DHX57: variants seen among roughly 807,000 people sequenced by gnomAD.
DHX57 encodes the protein DExH-box helicase 57, also known as putative ATP-dependent RNA helicase DHX57.
In DHX57, 105 loss-of-function variants were observed where a neutral mutation model predicts 156.2. That is an observed-to-expected ratio of 0.67 (90% CI 0.57 to 0.79). The LOEUF (loss-of-function observed/expected upper bound fraction) is 0.79. Among genes scored for constraint, DHX57 ranks in the 30% least tolerant of loss-of-function variants. The pLI is 0.00. For synonymous variants in DHX57, 704 were observed against 595.6 expected, an observed-to-expected ratio of 1.18 and a Z score of -2.65; for missense variants, 1,847 against 1,661.9, an observed-to-expected ratio of 1.11 and a Z score of -1.94.
intron 21 of DHX57, among the ~76,000 whole-genome samples, chr2:38,813,538 T>A (rs1480177392): frequency 6.6e-6 from 1 of 151,492 alleles, no homozygotes; most frequent in East Asian, 2.0e-4. Flanking sequence ...GCCTGGCTAA[T>A]TTTTTTTGTA....
chr2:38,823,643 A>G (rs1670940865), intron 16 of DHX57, among the ~76,000 whole-genome samples: 1 of 152,180 alleles, frequency 6.6e-6, no homozygotes, highest in African/African-American at 2.4e-5. Context: ...GATTCCTCAA[A>G]AAACTAAAAA....
intron 14 of DHX57, among the ~76,000 whole-genome samples, chr2:38,827,927 G>C (rs1168407117): frequency 6.6e-6 from 1 of 152,108 alleles, no homozygotes; most frequent in Non-Finnish European, 1.5e-5. Flanking sequence ...TGTGATCTCA[G>C]CTCACCAAAA....
At chr2:38,808,059 A>G (rs1345769877) in intron 21 of DHX57, among the ~76,000 whole-genome samples, 1 of 134,844 alleles carries the variant, frequency 7.4e-6, no homozygotes, top group Non-Finnish European at 1.5e-5. Context: ...GGTTCAAGTG[A>G]TTCTCCTGCC....
In DHX57 at chr2:38,826,142, G is replaced by A. The variant is rs1671075906; in HGVS notation, c.2814-95C>T. 2.4e-6 allele frequency: 3 copies of A among 1,272,974 alleles called. No homozygotes were observed. In the South Asian group the frequency reaches 4.2e-5, roughly 18 times the overall value. The allele number at this position is 1,272,974 out of a possible 1,614,324, so 78.9% of individuals were successfully genotyped here. On this transcript the variant is annotated intron_variant, in intron 15 of 23. Transcript: ENST00000457308. ...AGAATAGATGAACCAGCTTCCTCCT[G>A]TAGAGGGACACAGTGCCCTGTATAT...
intron 13 of DHX57, 31 bp downstream of exon 13, chr2:38,837,800 G>A: frequency 1.5e-6 from 2 of 1,339,938 alleles, no homozygotes; most frequent in Non-Finnish European, 2.1e-6. Context: ...TGTTTCAATT[G>A]TCATTCAAGC....
Position 38,856,391 on chromosome 2 carries a change from A to G in DHX57, c.1658T>C (p.Ile553Thr). 6.2e-7 allele frequency: 1 copy of G among 1,614,012 alleles called. No homozygotes were observed. Among genetic ancestry groups the G allele is most frequent in the Non-Finnish European group, 8.5e-7 (1 of 1,179,996 alleles). ...SLPAWEERET[I>T]LNLLRKHQVV... The stretch of plus-strand genomic sequence containing the variant: ...CTGGTGCTTACGCAATAAGTTAAGA[A>G]TGGTTTCTCTTTCTTCCCAAGCAGG... The change falls in exon 7 of 24, where the codon ATT (isoleucine) becomes ACT (threonine). Residue 553 changes from isoleucine (I) to threonine (T), a missense_variant. Ile to Thr is a moderately conservative substitution (Grantham distance 89, BLOSUM62 -1). Coordinates refer to ENST00000457308, the MANE Select transcript of DHX57 (RefSeq NM_198963.3).
chr2:38,808,127 G>T (rs1670053664), intron 21 of DHX57, among the ~76,000 whole-genome samples: 1 of 150,492 alleles, frequency 6.6e-6, no homozygotes, highest in Non-Finnish European at 1.5e-5. Context: ...GCTAATTTTT[G>T]TATTTTTAGT....
intron 22 of DHX57, among the ~76,000 whole-genome samples, chr2:38,803,918 A>T (rs370479579): frequency 8.5e-4 from 129 of 152,084 alleles, no homozygotes; most frequent in African/African-American, 2.8e-3. Flanking sequence ...AGTAGCTGGG[A>T]CTACAGGCTT....
intron 16 of DHX57, among the ~76,000 whole-genome samples, chr2:38,824,750 T>A (rs1411495684): frequency 6.6e-6 from 1 of 152,034 alleles, no homozygotes; most frequent in Non-Finnish European, 1.5e-5. Context: ...CGGGTTCAAG[T>A]GATTCTCCTG....
At chr2:38,852,369 A>G (rs1474339223) in intron 9 of DHX57, among the ~76,000 whole-genome samples, 2 of 127,000 alleles carry the variant, frequency 1.6e-5, no homozygotes, top group African/African-American at 5.9e-5. Context: ...TTTTGCTTTT[A>G]GCTATTTTCT....
chr2:38,815,935 T>A (rs1031471883), intron 19 of DHX57: 3 of 443,648 alleles, frequency 6.8e-6, no homozygotes, highest in African/African-American at 6.0e-5. Flanking sequence ...TTTTAAACAC[T>A]CTCATTGGAT....
intron 17 of DHX57, among the ~76,000 whole-genome samples, chr2:38,819,693 G>A (rs1212973337): frequency 6.6e-6 from 1 of 152,188 alleles, no homozygotes; most frequent in East Asian, 1.9e-4. Context: ...CAAGTGGCAA[G>A]AGTCATCAAA....
chr2:38,809,356 C>T (rs528047216), intron 21 of DHX57, among the ~76,000 whole-genome samples: 1 of 152,010 alleles, frequency 6.6e-6, no homozygotes, highest in Non-Finnish European at 1.5e-5. Flanking sequence ...AACTCCTGGC[C>T]CCATGTGATC....
chr2:38,854,537 T>G, intron 8 of DHX57: 1 of 162,734 alleles, frequency 6.1e-6, no homozygotes, highest in Non-Finnish European at 1.3e-5. Flanking sequence ...CAGAGGAAAT[T>G]TAGTACAACC....
intron 21 of DHX57, among the ~76,000 whole-genome samples, chr2:38,813,223 G>C (rs1670360799): frequency 6.6e-6 from 1 of 152,078 alleles, no homozygotes; most frequent in Non-Finnish European, 1.5e-5. Context: ...TAGAAAGTTA[G>C]TTATATATAG....
Position 38,868,261 on chromosome 2 carries a change from C to A in DHX57, c.145G>T (p.Gly49Cys). ...ATTCTACTGGAGGCCTTTCTGTTGC[C>A]GCCACCTCCACCACCACCACCACCG... Reference protein sequence around the residue: ...GGGGGGGGGGGNRKASSRIWD... With the variant: ...GGGGGGGGGGCNRKASSRIWD... Residue 49 changes from glycine (G) to cysteine (C), a missense_variant, in exon 2 of 24, where the codon GGC becomes TGC. Coordinates refer to ENST00000457308, the MANE Select transcript of DHX57 (RefSeq NM_198963.3). 6.2e-7 allele frequency: 1 copy of A among 1,613,992 alleles called. No individual in the cohort carries two copies. The highest frequency in any genetic ancestry group is 8.5e-7 in the Non-Finnish European group (1 of 1,180,012).
Position 38,861,588 on chromosome 2 carries a change from A to T in DHX57, c.822T>A (p.Ile274=). Residue 274 remains isoleucine (I), a synonymous_variant, in exon 5 of 24, where the codon ATT becomes ATA. Coordinates refer to ENST00000457308, the MANE Select transcript of DHX57 (RefSeq NM_198963.3). ...TTGTCAGATACTCCAGTTCTAACCC[A>T]ATGGTCCAGACTCTGTTCTGAATTC... ...IERIQNRVWT[I]GLELEYLTSR... The T allele has an allele frequency of 6.2e-7, 1 of 1,614,186 alleles. No homozygotes were observed. The highest frequency in any genetic ancestry group is 8.5e-7 in the Non-Finnish European group (1 of 1,180,032).
intron 13 of DHX57, among the ~76,000 whole-genome samples, chr2:38,835,470 A>C (rs1671603308): frequency 6.6e-6 from 1 of 152,226 alleles, no homozygotes; most frequent in South Asian, 2.1e-4. Flanking sequence ...CCCTGGAATC[A>C]GGAAGCACCT....
intron 1 of DHX57, among the ~76,000 whole-genome samples, chr2:38,873,606 T>C (rs867421872): frequency 1.1e-4 from 16 of 152,206 alleles, no homozygotes; most frequent in South Asian, 2.1e-4. Context: ...ATTTGTGGAA[T>C]GAATGATTGA....
Sources: allele counts gnomAD v4.1 joint callset (sites outside exome capture counted in the v4.1 genomes callset), GRCh38; gene constraint gnomAD v4.1.1; transcripts MANE v1.5; gene names NCBI Gene and HGNC (gene_info 2026-07-23, HGNC 2026-07-21).